The following CSMD1 variants were observed in gnomAD, a reference collection of about 807,000 sequenced individuals.
The protein encoded by CSMD1 is CUB and Sushi multiple domains 1.
A neutral mutation model predicts 417.5 loss-of-function variants in CSMD1; 213 were observed. The observed-to-expected ratio is 0.51, with a 90% CI of 0.46 to 0.57. The LOEUF is 0.57. Ranked by LOEUF, CSMD1 falls within the 20% of genes least tolerant of loss-of-function variation. The pLI is 0.00. For synonymous variants in CSMD1, 2,862 were observed against 1,736.8 expected, an observed-to-expected ratio of 1.65 and a Z score of -16.11; for missense variants, 6,923 against 4,529.7, an observed-to-expected ratio of 1.53 and a Z score of -15.17.
intron 3 of CSMD1, among the ~76,000 whole-genome samples, chr8:4,135,516 G>C (rs1479753890): frequency 6.6e-6 from 1 of 151,958 alleles, no homozygotes; most frequent in Non-Finnish European, 1.5e-5. Context: ...CTTTAGGAAA[G>C]CCTGAGAAAA....
At chr8:4,480,421 C>A (rs1283744002) in intron 2 of CSMD1, among the ~76,000 whole-genome samples, 9 of 152,148 alleles carry the variant, frequency 5.9e-5, no homozygotes, top group African/African-American at 2.2e-4. Context: ...CGTTAACATC[C>A]TTATCTCGAG....
chr8:4,190,592 A>T (rs1798967142), intron 3 of CSMD1, among the ~76,000 whole-genome samples: 1 of 150,642 alleles, frequency 6.6e-6, no homozygotes, highest in South Asian at 2.1e-4. Context: ...TCCCATGTTT[A>T]TAACGATGTG....
At chr8:4,461,741 A>ATTT (rs35226423) in intron 2 of CSMD1, among the ~76,000 whole-genome samples, 21,680 of 124,358 alleles carry the variant, frequency 0.17, 2,450 homozygotes, top group South Asian at 0.28. Context: ...TTATTTACTT[A>ATTT]TTTTTTTTTT....
chr8:3,136,893 A>AT (rs1015831753), intron 41 of CSMD1, among the ~76,000 whole-genome samples: 28 of 148,942 alleles, frequency 1.9e-4, no homozygotes, highest in African/African-American at 6.6e-4. Context: ...AATTGGCTAA[A>AT]TTTTTTTAAA....
chr8:4,663,322 G>A (rs1008303890), intron 1 of CSMD1, among the ~76,000 whole-genome samples: 1 of 152,176 alleles, frequency 6.6e-6, no homozygotes, highest in Non-Finnish European at 1.5e-5. Context: ...TTTTTAAAGG[G>A]GAAAGAGCAG....
chr8:4,433,225 A>G (rs920747039), intron 2 of CSMD1, among the ~76,000 whole-genome samples: 2 of 152,214 alleles, frequency 1.3e-5, no homozygotes, highest in African/African-American at 4.8e-5. Flanking sequence ...TATTACAAAT[A>G]AAGTGCATTA....
intron 54 of CSMD1, among the ~76,000 whole-genome samples, chr8:2,987,717 C>T (rs192983043): frequency 6.6e-6 from 1 of 152,192 alleles, no homozygotes; most frequent in South Asian, 2.1e-4. Context: ...GGGTTCATCA[C>T]CGTTTCCCTC....
intron 1 of CSMD1, among the ~76,000 whole-genome samples, chr8:4,961,308 C>T (rs928769833): frequency 3.3e-5 from 5 of 152,116 alleles, no homozygotes; most frequent in Non-Finnish European, 7.4e-5. Context: ...TCCCATTATT[C>T]CACCGAAGAC....
intron 1 of CSMD1, among the ~76,000 whole-genome samples, chr8:4,741,599 A>T (rs865927528): frequency 8.5e-5 from 13 of 152,220 alleles, no homozygotes; most frequent in Admixed American, 2.6e-4. Context: ...AGGCTTGGAC[A>T]ACAGGACCTT....
intron 1 of CSMD1, among the ~76,000 whole-genome samples, chr8:4,753,947 C>G (rs1272153473): frequency 6.6e-6 from 1 of 152,070 alleles, no homozygotes; most frequent in Non-Finnish European, 1.5e-5. Flanking sequence ...TATGTGCTGC[C>G]AATTTAAAAA....
intron 1 of CSMD1, among the ~76,000 whole-genome samples, chr8:4,955,688 T>A (rs1348736473): frequency 6.7e-6 from 1 of 148,406 alleles, no homozygotes; most frequent in Non-Finnish European, 1.5e-5. Flanking sequence ...ACTCCTGACC[T>A]CAGGTGATCC....
rs1418214330 is a variant in CSMD1, at chr8:3,556,544, A to C, written c.1344+18401T>G. Among the ~76,000 whole-genome samples, 7 of 141,216 alleles carry C rather than the reference A, an allele frequency of 5.0e-5. 1 individual carries two copies. Among genetic ancestry groups the C allele is most frequent in the African/African-American group, 2.1e-4 (7 of 33,438 alleles). 92.6% of individuals were successfully genotyped at this position (141,216 alleles called of 152,430 possible). On this transcript the variant is annotated intron_variant, in intron 10 of 69. Transcript: ENST00000635120. Reference sequence around the variant, plus strand: ...CACACACACACACACACACACACACACACACACCCTCTCTCTCTTTCAGAA... The same window carrying C: ...CACACACACACACACACACACACACCCACACACCCTCTCTCTCTTTCAGAA...
chr8:3,854,160 A>C (rs1030751236), intron 5 of CSMD1, among the ~76,000 whole-genome samples: 5 of 43,456 alleles, frequency 1.2e-4, no homozygotes, highest in African/African-American at 5.5e-4. Context: ...TAATAATAAT[A>C]AAAAAAAAAA....
chr8:3,343,161 C>G (rs1225597657), intron 23 of CSMD1, 133 bp downstream of exon 23: 4 of 672,268 alleles, frequency 6.0e-6, no homozygotes, highest in Non-Finnish European at 1.0e-5. Context: ...CAACAGAGTA[C>G]AGAATTAAAC....
chr8:4,035,876 G>A lies in CSMD1; in HGVS notation c.416-3777C>T, dbSNP rs772235910. Among the ~76,000 whole-genome samples, 7 of 152,214 alleles carry A rather than the reference G, an allele frequency of 4.6e-5. No homozygotes were observed. The East Asian group carries it at 5.8e-4, about 13-fold the overall frequency. ...TCTACAGTCGTACATAGTCCCGTCC[G>A]AAGCCTTCACAGTCACCCCTCACTC... On this transcript the variant is annotated intron_variant, in intron 3 of 69. Transcript: ENST00000635120.
chr8:3,091,795 C>A (rs1256523075), intron 47 of CSMD1, 133 bp from the exon 48 acceptor site: 4 of 656,498 alleles, frequency 6.1e-6, no homozygotes, highest in Non-Finnish European at 9.6e-6. Flanking sequence ...AAGTGGACAA[C>A]AAATTCCAAA....
intron 52 of CSMD1, among the ~76,000 whole-genome samples, chr8:3,003,569 T>G (rs1249647731): frequency 2.6e-5 from 4 of 152,236 alleles, no homozygotes; most frequent in African/African-American, 9.6e-5. Flanking sequence ...TTGACAATAA[T>G]TCATTTATTT....
intron 10 of CSMD1, among the ~76,000 whole-genome samples, chr8:3,518,624 A>C (rs749968454): frequency 6.6e-6 from 1 of 152,234 alleles, no homozygotes; most frequent in Non-Finnish European, 1.5e-5. Context: ...GAGTTAATGT[A>C]GGGTATCAAA....
chr8:3,625,695 G>A (rs538609027), intron 7 of CSMD1, among the ~76,000 whole-genome samples: 54 of 152,036 alleles, frequency 3.6e-4, no homozygotes, highest in Admixed American at 1.8e-3. Flanking sequence ...AAACGATTTG[G>A]CATTCCTAAA....
Sources: allele counts gnomAD v4.1 joint callset (sites outside exome capture counted in the v4.1 genomes callset), GRCh38; gene constraint gnomAD v4.1.1; transcripts MANE v1.5; gene names NCBI Gene and HGNC (gene_info 2026-07-23, HGNC 2026-07-21).